The following SEMA6D variants were observed in gnomAD, a reference collection of about 807,000 sequenced individuals.
SEMA6D encodes the protein semaphorin-6D.
Under a neutral mutation model 106.6 loss-of-function variants are expected in SEMA6D, and 35 were observed. That is an observed-to-expected ratio of 0.33 (90% confidence interval 0.25 to 0.44). The LOEUF is 0.44. Ranked by LOEUF, SEMA6D falls within the 20% of genes least tolerant of loss-of-function variation. The probability of loss-of-function intolerance (pLI) is 1.00; values close to 1 mark genes in which losing one functional copy is unlikely to be tolerated. For missense variants in SEMA6D, 1,185 were observed against 1,345.9 expected (o/e 0.88, Z 1.87); for synonymous variants, 499 against 487.7 (o/e 1.02, Z -0.31).
chr15:47,391,366 T>C (rs986728459), intron 1 of SEMA6D, among the ~76,000 whole-genome samples: 1 of 148,690 alleles, frequency 6.7e-6, no homozygotes, highest in Non-Finnish European at 1.5e-5. Context: ...TTCACTCAGC[T>C]CTAAATAAGT....
Position 47,765,861 on chromosome 15 carries a change from C to T in SEMA6D, c.1428-8C>T. On this transcript the variant is annotated splice_polypyrimidine_tract_variant and splice_region_variant and intron_variant, in intron 13 of 18. Coordinates refer to ENST00000536845, the MANE Select transcript of SEMA6D (RefSeq NM_001358351.3). ...ACATATGGCTTCAAAATGTATCCCA[C>T]AAAATAGGTGCAGTGCTGAGAATGA... 6.7e-7 allele frequency: 1 copy of T among 1,488,516 alleles called. No individual in the cohort carries two copies. The highest frequency in any genetic ancestry group is 1.5e-5 in the South Asian group (1 of 66,826). The allele number at this position is 1,488,516 out of a possible 1,614,324, so 92.2% of individuals were successfully genotyped here.
At chr15:47,279,710 T>C (rs1455291719) in intron 1 of SEMA6D, among the ~76,000 whole-genome samples, 1 of 152,196 alleles carries the variant, frequency 6.6e-6, no homozygotes, top group Non-Finnish European at 1.5e-5. Flanking sequence ...CATCAATACC[T>C]AATTTATTGA....
chr15:47,189,760 AACAG>A (rs1356456739), intron 1 of SEMA6D, among the ~76,000 whole-genome samples: 2 of 152,222 alleles, frequency 1.3e-5, no homozygotes, highest in Non-Finnish European at 1.5e-5. Context: ...CGAACTATCA[AACAG>A]ACAATGATAA....
intron 1 of SEMA6D, among the ~76,000 whole-genome samples, chr15:47,290,063 C>T (rs2035533760): frequency 6.6e-6 from 1 of 152,162 alleles, no homozygotes; most frequent in South Asian, 2.1e-4. Context: ...CTCTTTAAAG[C>T]CTCTGCAATA....
At chr15:47,713,864 A>C (rs998702907), upstream of SEMA6D, among the ~76,000 whole-genome samples, 1 of 152,212 alleles carries the variant, frequency 6.6e-6, no homozygotes, top group Non-Finnish European at 1.5e-5. Context: ...TTTTGCCCTT[A>C]ATCTCACATT....
chr15:47,769,788 G>T, intron 18 of SEMA6D, among the ~76,000 whole-genome samples: 1 of 151,778 alleles, frequency 6.6e-6, no homozygotes, highest in South Asian at 2.1e-4. Flanking sequence ...TCTTTTTCTA[G>T]GTCTAATTTA....
intron 1 of SEMA6D, among the ~76,000 whole-genome samples, chr15:47,275,855 C>T (rs1280492505): frequency 6.6e-6 from 1 of 152,104 alleles, no homozygotes; most frequent in East Asian, 1.9e-4. Context: ...AGGCCGAAAG[C>T]AAGGCCTCTT....
In SEMA6D at chr15:47,765,018, C is replaced by T. The variant is rs148847985; in HGVS notation, c.1389C>T (p.Ser463=). ...AKTSPFSLND[S]VLLEEIEAYN... ...CCAGTCCTTTCTCTTTGAACGACAG[C>T]GTATTACTGGAAGAGATTGAAGCCT... The change falls in exon 13 of 19, where the codon AGC becomes AGT. Residue 463 remains serine, a synonymous_variant. Coordinates refer to ENST00000536845, the MANE Select transcript of SEMA6D (RefSeq NM_001358351.3). The T allele has an allele frequency of 2.0e-5, 32 of 1,613,692 alleles. No individual in the cohort carries two copies. Among genetic ancestry groups the T allele is most frequent in the African/African-American group, 1.3e-4 (10 of 74,888 alleles).
intron 1 of SEMA6D, chr15:47,730,588 G>C (rs972376877): frequency 2.0e-6 from 3 of 1,525,944 alleles, no homozygotes; most frequent in Non-Finnish European, 1.8e-6. Context: ...CTTTCTTCTC[G>C]GCCCAGGCCA....
At chr15:47,290,946 C>T (rs2035570404) in intron 1 of SEMA6D, among the ~76,000 whole-genome samples, 1 of 152,178 alleles carries the variant, frequency 6.6e-6, no homozygotes, top group Non-Finnish European at 1.5e-5. Flanking sequence ...GGAAATAGCC[C>T]TCTTATACAG....
At chr15:47,557,968 G>A (rs2045963232) in intron 3 of SEMA6D, among the ~76,000 whole-genome samples, 1 of 152,048 alleles carries the variant, frequency 6.6e-6, no homozygotes, top group South Asian at 2.1e-4. Context: ...ATAGTCTCTT[G>A]GAATGTGCAA....
At chr15:47,267,035 A>G (rs1271282937) in intron 1 of SEMA6D, among the ~76,000 whole-genome samples, 1 of 152,094 alleles carries the variant, frequency 6.6e-6, no homozygotes, top group African/African-American at 2.4e-5. Context: ...ATCTCCAGTA[A>G]TTCTACCGGG....
At chr15:47,380,179 G>A (rs1337832720) in intron 1 of SEMA6D, among the ~76,000 whole-genome samples, 3 of 152,164 alleles carry the variant, frequency 2.0e-5, no homozygotes, top group African/African-American at 4.8e-5. Flanking sequence ...AAAATATAAA[G>A]CACATATCCC....
intron 3 of SEMA6D, among the ~76,000 whole-genome samples, chr15:47,562,982 T>TG (rs1258271106): frequency 6.6e-6 from 1 of 152,160 alleles, no homozygotes; most frequent in Non-Finnish European, 1.5e-5. Context: ...ATCCAGTCAA[T>TG]GGATTACATT....
chr15:47,436,392 CAA>C (rs963905868), intron 2 of SEMA6D, among the ~76,000 whole-genome samples: 3 of 126,052 alleles, frequency 2.4e-5, no homozygotes, highest in Admixed American at 8.1e-5. Flanking sequence ...GTCTGTCTCA[CAA>C]AAAAAAAAAA....
rs532729428 is a variant in SEMA6D, at chr15:47,329,465, G to A, written c.-238-82928G>A. Among the ~76,000 whole-genome samples, 4 of 152,282 alleles carry A rather than the reference G, an allele frequency of 2.6e-5. No homozygotes were observed. The South Asian group carries it at 8.3e-4, about 32-fold the overall frequency. On this transcript the variant is annotated intron_variant, in intron 1 of 19. Transcript: ENST00000558014. ...GATGAGAAACTAAACAGGCGTATAA[G>A]GTTCTGGCCTCATTACCTCAAGCCA...
chr15:47,595,244 C>T (rs925118778), intron 3 of SEMA6D, among the ~76,000 whole-genome samples: 1 of 152,128 alleles, frequency 6.6e-6, no homozygotes, highest in Admixed American at 6.6e-5. Flanking sequence ...GAGGTACATT[C>T]CTTCCATACC....
intron 1 of SEMA6D, among the ~76,000 whole-genome samples, chr15:47,260,596 G>GTAA (rs1281706563): frequency 6.6e-6 from 1 of 152,134 alleles, no homozygotes; most frequent in Admixed American, 6.6e-5. Context: ...TTCTGCCTGT[G>GTAA]TCATTCATTC....
At chr15:47,564,331 A>G (rs1405293796) in intron 3 of SEMA6D, among the ~76,000 whole-genome samples, 3 of 152,214 alleles carry the variant, frequency 2.0e-5, no homozygotes, top group African/African-American at 7.2e-5. Flanking sequence ...CTGGCATGAT[A>G]CTGTGGGAAC....
Sources: allele counts gnomAD v4.1 joint callset (sites outside exome capture counted in the v4.1 genomes callset), GRCh38; gene constraint gnomAD v4.1.1; transcripts MANE v1.5; gene names NCBI Gene and HGNC (gene_info 2026-07-23, HGNC 2026-07-21).